CAV3: variants seen among roughly 807,000 people sequenced by gnomAD.
CAV3 encodes the protein caveolin 3.
CAV3 carries 10 observed loss-of-function variants against 13.4 expected under a neutral mutation model. The ratio of observed to expected loss-of-function variants is 0.75; its 90% CI spans 0.46 to 1.27. The LOEUF (loss-of-function observed/expected upper bound fraction) is 1.27, where lower values mean the gene tolerates loss of function less well. Among genes scored for constraint, CAV3 ranks in the 50% most tolerant of loss-of-function variants. The pLI, the probability that CAV3 is intolerant of heterozygous loss-of-function variation, is 0.00. For synonymous variants in CAV3, 90 were observed against 79.0 expected (o/e 1.14, Z -0.74); for missense variants, 162 against 194.0 (o/e 0.83, Z 0.98).
chr3:8,745,503 G>A lies in CAV3; in HGVS notation c.115-23G>A. On this transcript the variant is annotated intron_variant, in intron 1 of 1. Coordinates refer to ENST00000343849, the MANE Select transcript of CAV3 (RefSeq NM_033337.3). This position sits in a 1 kb window ranked among gnomAD's most constrained non-coding sequence, Gnocchi z 4.8. ...AAGCGGGTGGCTTCTGTGAGTTGAG[G>A]CTTCCCCTTGCCACCCCTGCAGGTG... The A allele has an allele frequency of 1.3e-6, 2 of 1,596,242 alleles. No individual in the cohort carries two copies. Among genetic ancestry groups the A allele is most frequent in the South Asian group, 1.1e-5 (1 of 90,580 alleles).
chr3:8,742,137 C>T (rs758312141), intron 1 of CAV3, among the ~76,000 whole-genome samples: 15 of 152,048 alleles, frequency 9.9e-5, no homozygotes, highest in African/African-American at 2.2e-4. Flanking sequence ...CTGCCTGAGC[C>T]GGGCCTTATA....
intron 1 of CAV3, among the ~76,000 whole-genome samples, chr3:8,744,486 C>T (rs1708085356): frequency 8.1e-6 from 1 of 123,442 alleles, no homozygotes; most frequent in Non-Finnish European, 1.6e-5. Flanking sequence ...TTAGTAGAGA[C>T]AGGGTTTCAC....
In CAV3 at chr3:8,745,688, G is replaced by A. The variant is rs28936686; in HGVS notation, c.277G>A (p.Ala93Thr). The stretch of plus-strand genomic sequence containing the variant: ...GGCCCTGCTCTGGGGCTTCCTGTTC[G>A]CCTGCATCTCCTTCTGCCACATCTG... ...PLALLWGFLF[A>T]CISFCHIWAV... Residue 93 changes from alanine (A) to threonine (T), a missense_variant, in exon 2 of 2, where the codon GCC becomes ACC. Physicochemically the swap from Ala to Thr is moderately conservative, Grantham distance 58. Coordinates refer to ENST00000343849, the MANE Select transcript of CAV3 (RefSeq NM_033337.3). The surrounding 1 kb of genome is among the most constrained non-coding windows in gnomAD (Gnocchi z 4.8). 166 of 1,613,978 alleles carry A rather than the reference G, an allele frequency of 1.0e-4. No individual in the cohort carries two copies. Among genetic ancestry groups the A allele is most frequent in the East Asian group, 2.2e-4 (10 of 44,886 alleles).
chr3:8,738,752 C>T (rs237872), intron 1 of CAV3, among the ~76,000 whole-genome samples: 82,924 of 152,086 alleles, frequency 0.55, 23,412 homozygotes, highest in African/African-American at 0.71. Context: ...AGTTGGCAAA[C>T]GTAAGAGGCT....
chr3:8,741,829 C>T (rs59905843), intron 1 of CAV3, among the ~76,000 whole-genome samples: 3 of 152,190 alleles, frequency 2.0e-5, no homozygotes, highest in Non-Finnish European at 2.9e-5. Context: ...ACACCTTCCC[C>T]GCCCTCTCAG....
chr3:8,741,624 C>T (rs1707961373), intron 1 of CAV3, among the ~76,000 whole-genome samples: 1 of 152,154 alleles, frequency 6.6e-6, no homozygotes, highest in African/African-American at 2.4e-5. Context: ...ACTCAATGGC[C>T]AGTGGATACT....
In CAV3 at chr3:8,745,482, G is replaced by A. The variant is rs200936371; in HGVS notation, c.115-44G>A. On this transcript the variant is annotated intron_variant, in intron 1 of 1. Coordinates refer to ENST00000343849, the MANE Select transcript of CAV3 (RefSeq NM_033337.3). The surrounding 1 kb of genome is among the most constrained non-coding windows in gnomAD (Gnocchi z 4.8). ...GCACACACCCAAAAGCTTGAGAAGC[G>A]GGTGGCTTCTGTGAGTTGAGGCTTC... 8.2e-5 allele frequency: 94 copies of A among 1,146,870 alleles called. 1 individual carries two copies. In the Middle Eastern group the frequency reaches 1.2e-3, roughly 15 times the overall value. The allele number at this position is 1,146,870 out of a possible 1,614,324, so 71.0% of individuals were successfully genotyped here. A position where few individuals can be genotyped will look rare whatever the true frequency, so the allele number is the denominator to read the frequency against.
Position 8,745,810 on chromosome 3 carries a change from C to T in CAV3, c.399C>T (p.Phe133=), listed in dbSNP as rs769859957. The change falls in exon 2 of 2, where the codon TTC becomes TTT. Residue 133 remains phenylalanine (F), a synonymous_variant. Transcript: ENST00000343849. This position sits in a 1 kb window ranked among gnomAD's most constrained non-coding sequence, Gnocchi z 4.8. The stretch of plus-strand genomic sequence containing the variant: ...TCCGCACCTTCTGCAACCCACTCTT[C>T]GCGGCCCTGGGCCAGGTCTGCAGCA... ...LCIRTFCNPL[F]AALGQVCSSI... 83 of 1,613,764 alleles carry T rather than the reference C, an allele frequency of 5.1e-5. 1 individual carries two copies. In the Middle Eastern group the frequency reaches 6.6e-4, roughly 13 times the overall value.
rs556746930 is a variant in CAV3, at chr3:8,735,059, C to A, written c.114+1069C>A. ...GAATTCCTCCAAGAAGGGTCCCCAG[C>A]CACCAGCATCTGAGTCACTGGAGGG... On this transcript the variant is annotated intron_variant, in intron 1 of 1. Coordinates refer to ENST00000343849, the MANE Select transcript of CAV3 (RefSeq NM_033337.3). Among the ~76,000 whole-genome samples the A allele has an allele frequency of 4.6e-5, 7 of 152,272 alleles. No homozygotes were observed. The East Asian group carries it at 1.2e-3, about 25-fold the overall frequency.
chr3:8,745,024 C>A lies in CAV3; in HGVS notation c.115-502C>A. On this transcript the variant is annotated intron_variant, in intron 1 of 1. Transcript: ENST00000343849. The surrounding 1 kb of genome is among the most constrained non-coding windows in gnomAD (Gnocchi z 4.8). The stretch of plus-strand genomic sequence containing the variant: ...CTGGATCTGTGTCCCCTCTAAACCT[C>A]ATGGTGAAACATAATCTCCAATATT... 6.0e-6 allele frequency: 1 copy of A among 165,378 alleles called. No individual in the cohort carries two copies. Among genetic ancestry groups the A allele is most frequent in the East Asian group, 1.7e-4 (1 of 6,004 alleles). The allele number at this position is 165,378 out of a possible 1,614,324, so 10.2% of individuals were successfully genotyped here. A position where few individuals can be genotyped will look rare whatever the true frequency, so the allele number is the denominator to read the frequency against.
Position 8,746,075 on chromosome 3 carries a change from C to A in CAV3, c.*208C>A, listed in dbSNP as rs905333301. 2 of 559,774 alleles carry A rather than the reference C, an allele frequency of 3.6e-6. No individual in the cohort carries two copies. Among genetic ancestry groups the A allele is most frequent in the Non-Finnish European group, 6.4e-6 (2 of 313,036 alleles). 34.7% of individuals were successfully genotyped at this position (559,774 alleles called of 1,614,324 possible). A position where few individuals can be genotyped will look rare whatever the true frequency, so the allele number is the denominator to read the frequency against. On this transcript the variant is annotated 3_prime_UTR_variant, in exon 2 of 2. Coordinates refer to ENST00000343849, the MANE Select transcript of CAV3 (RefSeq NM_033337.3). ...GGCCCTTCGCTCTCCCCCAGCCCCA[C>A]CATGATGCCCCCATGCCTGGGCGTG...
intron 1 of CAV3, among the ~76,000 whole-genome samples, chr3:8,740,149 G>A (rs564741493): frequency 6.6e-6 from 1 of 152,202 alleles, no homozygotes; most frequent in African/African-American, 2.4e-5. Context: ...TATAAAAGTG[G>A]ACTTCTAACA....
Position 8,745,735 on chromosome 3 carries a change from G to A in CAV3, c.324G>A (p.Lys108=), listed in dbSNP as rs778311858. 2 of 1,614,002 alleles carry A rather than the reference G, an allele frequency of 1.2e-6. No individual in the cohort carries two copies. Among genetic ancestry groups the A allele is most frequent in the Admixed American group, 1.7e-5 (1 of 60,012 alleles). ...TCTGGGCGGTGGTGCCATGCATTAA[G>A]AGCTACCTGATCGAGATCCAGTGCA... ...CHIWAVVPCI[K]SYLIEIQCIS... is the part of the protein sequence containing the mutation. The change falls in exon 2 of 2, where the codon AAG becomes AAA. Residue 108 remains lysine, a synonymous_variant. Transcript: ENST00000343849. This position sits in a 1 kb window ranked among gnomAD's most constrained non-coding sequence, Gnocchi z 4.8.
At chr3:8,736,202 A>G (rs1017750440) in intron 1 of CAV3, among the ~76,000 whole-genome samples, 2 of 152,350 alleles carry the variant, frequency 1.3e-5, no homozygotes, top group South Asian at 2.1e-4. Context: ...CCTAAAAATG[A>G]TAACACTGGA....
intron 1 of CAV3, among the ~76,000 whole-genome samples, chr3:8,743,320 G>A (rs771173310): frequency 1.3e-5 from 2 of 152,116 alleles, no homozygotes; most frequent in Non-Finnish European, 2.9e-5. Context: ...CTGGGGGTTT[G>A]ACTAGAACCT....
chr3:8,744,209 A>G (rs1281339646), intron 1 of CAV3, among the ~76,000 whole-genome samples: 6 of 152,090 alleles, frequency 3.9e-5, no homozygotes, highest in Non-Finnish European at 5.9e-5. Flanking sequence ...TGTACTGGTA[A>G]CAACCATGGG....
chr3:8,734,323 C>A lies in CAV3; in HGVS notation c.114+333C>A, dbSNP rs568602104. On this transcript the variant is annotated intron_variant, in intron 1 of 1. Transcript: ENST00000343849. ...CTCCTGGCTCTCACCCTGGGAGGAA[C>A]AGGAACGGGCGGCCAAGTTGGGCTC... 4.6e-5 allele frequency among the ~76,000 whole-genome samples: 7 copies of A among 152,292 alleles called. No homozygotes were observed. The South Asian group carries it at 1.2e-3, about 27-fold the overall frequency.
At position 8,745,984 on chromosome 3, in the gene CAV3, C is replaced by A. The variant is rs1575478301; in HGVS notation, c.*117C>A. 4 of 764,184 alleles carry A rather than the reference C, an allele frequency of 5.2e-6. No individual in the cohort carries two copies. The East Asian group carries it at 8.0e-5, about 15-fold the overall frequency. The allele number at this position is 764,184 out of a possible 1,614,324, so 47.3% of individuals were successfully genotyped here. On this transcript the variant is annotated 3_prime_UTR_variant, in exon 2 of 2. Transcript: ENST00000343849. This position sits in a 1 kb window ranked among gnomAD's most constrained non-coding sequence, Gnocchi z 4.8. ...TTTCTCTTTAGGGACTGCTCCATAC[C>A]CCATGATGGAGCACACGGTGTAGGG... is the stretch of plus-strand genomic sequence containing the variant.
chr3:8,745,770 T>C lies in CAV3; in HGVS notation c.359T>C (p.Ile120Thr). The change falls in exon 2 of 2, where the codon ATC becomes ACC. Residue 120 changes from isoleucine (I) to threonine (T), a missense_variant. By Grantham distance (89) the Ile-to-Thr change is moderately conservative (BLOSUM62 -1). Coordinates refer to ENST00000343849, the MANE Select transcript of CAV3 (RefSeq NM_033337.3). The surrounding 1 kb of genome is among the most constrained non-coding windows in gnomAD (Gnocchi z 4.8). ...ATCGAGATCCAGTGCATCAGCCACA[T>C]CTACTCACTCTGCATCCGCACCTTC... is the stretch of plus-strand genomic sequence containing the variant. ...YLIEIQCISHIYSLCIRTFCN... is the reference protein window; with the variant it reads ...YLIEIQCISHTYSLCIRTFCN... 6.2e-7 allele frequency: 1 copy of C among 1,614,088 alleles called. No homozygotes were observed. The highest frequency in any genetic ancestry group is 1.1e-5 in the South Asian group (1 of 91,080).
Sources: allele counts gnomAD v4.1 joint callset (sites outside exome capture counted in the v4.1 genomes callset), GRCh38; gene constraint gnomAD v4.1.1; non-coding constraint Gnocchi (gnomAD v3.1); transcripts MANE v1.5; gene names NCBI Gene and HGNC (gene_info 2026-07-23, HGNC 2026-07-21).